GFM1: variants seen among roughly 807,000 people sequenced by gnomAD.
GFM1 encodes elongation factor G, mitochondrial.
In GFM1, 62 loss-of-function variants were observed where a neutral mutation model predicts 96.2. The ratio of observed to expected loss-of-function variants is 0.64; its 90% CI spans 0.53 to 0.80. The LOEUF is 0.80. Among genes scored for constraint, GFM1 ranks in the 30% least tolerant of loss-of-function variants. The probability of loss-of-function intolerance (pLI) is 0.00; values close to 1 mark genes in which losing one functional copy is unlikely to be tolerated. For synonymous variants in GFM1, 282 were observed against 312.9 expected, an observed-to-expected ratio of 0.90 and a Z score of 1.04; for missense variants, 852 against 916.6, an observed-to-expected ratio of 0.93 and a Z score of 0.91.
chr3:158,687,593 A>C (rs1725968018), intron 15 of GFM1, among the ~76,000 whole-genome samples: 1 of 151,984 alleles, frequency 6.6e-6, no homozygotes, highest in Non-Finnish European at 1.5e-5. Context: ...TCAGCCTCCC[A>C]AGTAGCTGAG....
intron 4 of GFM1, among the ~76,000 whole-genome samples, chr3:158,648,682 A>C (rs1722044979): frequency 1.8e-5 from 1 of 55,072 alleles, no homozygotes; most frequent in Non-Finnish European, 3.8e-5. Context: ...TTGTCTCAAA[A>C]AAAAAAAAAA....
At chr3:158,674,834 A>G (rs772754474) in intron 13 of GFM1, among the ~76,000 whole-genome samples, 20 of 152,202 alleles carry the variant, frequency 1.3e-4, no homozygotes, top group Non-Finnish European at 2.9e-4. Flanking sequence ...AAGATGATTC[A>G]TGAGACTAAG....
At chr3:158,683,869 A>T (rs1045383859) in intron 14 of GFM1, among the ~76,000 whole-genome samples, 2 of 152,216 alleles carry the variant, frequency 1.3e-5, no homozygotes, top group African/African-American at 4.8e-5. Context: ...TTTTCCAAGG[A>T]ATTGTTCATC....
At chr3:158,645,848 A>C in intron 2 of GFM1, 67 bp downstream of exon 2, 8 of 1,357,044 alleles carry the variant, frequency 5.9e-6, no homozygotes, top group Non-Finnish European at 8.4e-6. Flanking sequence ...GCTATTATTT[A>C]ATAAAGCTTA....
At chr3:158,651,174 T>C (rs1427393908) in intron 5 of GFM1, among the ~76,000 whole-genome samples, 2 of 152,146 alleles carry the variant, frequency 1.3e-5, no homozygotes, top group Admixed American at 6.6e-5. Context: ...ATGTCACAGA[T>C]TGAAGAGTCT....
intron 13 of GFM1, among the ~76,000 whole-genome samples, chr3:158,676,523 A>C (rs1296184359): frequency 6.6e-6 from 1 of 152,156 alleles, no homozygotes; most frequent in East Asian, 1.9e-4. Context: ...GAGTTGTCAG[A>C]ATATTACATT....
chr3:158,666,076 A>C (rs1723647579), intron 12 of GFM1, among the ~76,000 whole-genome samples: 1 of 152,236 alleles, frequency 6.6e-6, no homozygotes, highest in Admixed American at 6.5e-5. Context: ...GATTAATTGG[A>C]GGTAAATATA....
chr3:158,690,555 C>T (rs899259217), intron 16 of GFM1: 6 of 522,154 alleles, frequency 1.1e-5, no homozygotes, highest in Admixed American at 1.0e-4. Context: ...TATATTATCT[C>T]TCTTTCTTGA....
rs183903111 is a variant in GFM1 at position 158,666,484 on chromosome 3, T to C, written c.1601+98T>C. 4.5e-5 allele frequency: 52 copies of C among 1,163,304 alleles called. No individual in the cohort carries two copies. The Admixed American group carries it at 9.1e-4, about 20-fold the overall frequency. 72.1% of individuals were successfully genotyped at this position (1,163,304 alleles called of 1,614,324 possible). A position where few individuals can be genotyped will look rare whatever the true frequency, so the allele number is the denominator to read the frequency against. ...TTACTGTTTTAAAGACATTTTTATG[T>C]AGTGATACTTTGTATTATGGACTCT... On this transcript the variant is annotated intron_variant, in intron 13 of 17. Transcript: ENST00000486715.
At position 158,695,067 on chromosome 3, in the gene GFM1, G is replaced by A. The variant is rs1429977324; in HGVS notation, c.*3600G>A. ...GTAAAATTAAGTTAACAATTTTAGA[G>A]TTTGTGCTAGAAAAGATATTCTGAG... On this transcript the variant is annotated 3_prime_UTR_variant, in exon 18 of 18. Coordinates refer to ENST00000486715, the MANE Select transcript of GFM1 (RefSeq NM_024996.7). 1.3e-5 allele frequency among the ~76,000 whole-genome samples: 2 copies of A among 152,206 alleles called. No individual in the cohort carries two copies. Among genetic ancestry groups the A allele is most frequent in the African/African-American group, 2.4e-5 (1 of 41,464 alleles).
At chr3:158,646,108 C>T in intron 2 of GFM1, 57 bp from the exon 3 acceptor site, 1 of 1,608,668 alleles carries the variant, frequency 6.2e-7, no homozygotes, top group Non-Finnish European at 8.5e-7. Flanking sequence ...GTTAAGATTT[C>T]TTTCCTTCTT....
At chr3:158,658,252 C>T (rs553601763) in intron 8 of GFM1, among the ~76,000 whole-genome samples, 4 of 148,402 alleles carry the variant, frequency 2.7e-5, no homozygotes, top group South Asian at 2.1e-4. Flanking sequence ...CTGCAACCTC[C>T]GCCTCCTGGG....
At chr3:158,682,887 T>A (rs1458144236) in intron 14 of GFM1, among the ~76,000 whole-genome samples, 1 of 151,922 alleles carries the variant, frequency 6.6e-6, no homozygotes, top group Non-Finnish European at 1.5e-5. Flanking sequence ...GAAAAAAAAT[T>A]AGCCCGGTGT....
intron 15 of GFM1, among the ~76,000 whole-genome samples, chr3:158,685,946 A>G (rs193158008): frequency 7.2e-5 from 11 of 152,152 alleles, no homozygotes; most frequent in Admixed American, 5.2e-4. Context: ...TGATTGTTCT[A>G]TGCTGGTTCT....
chr3:158,645,404 A>G (rs1412594187), intron 1 of GFM1, among the ~76,000 whole-genome samples: 1 of 152,206 alleles, frequency 6.6e-6, no homozygotes, highest in African/African-American at 2.4e-5. Flanking sequence ...AATTTAACTT[A>G]TTCATTAATT....
chr3:158,670,975 A>G (rs986329940), intron 13 of GFM1: 2 of 1,541,440 alleles, frequency 1.3e-6, no homozygotes, highest in Non-Finnish European at 1.7e-6. Flanking sequence ...TAATTTCTTC[A>G]ACAGCAAATT....
intron 6 of GFM1, among the ~76,000 whole-genome samples, chr3:158,652,898 C>T (rs565346007): frequency 1.3e-5 from 2 of 152,268 alleles, no homozygotes; most frequent in African/African-American, 4.8e-5. Flanking sequence ...AAACAGGTTA[C>T]CAGTTAATAG....
intron 11 of GFM1, among the ~76,000 whole-genome samples, chr3:158,664,218 T>C (rs1435678705): frequency 6.6e-6 from 1 of 152,252 alleles, no homozygotes; most frequent in African/African-American, 2.4e-5. Flanking sequence ...AGTTTTCTAT[T>C]GCTGACTTAA....
rs1454675465 is a variant in GFM1, at chr3:158,694,718, A to G, written c.*3251A>G. On this transcript the variant is annotated 3_prime_UTR_variant, in exon 18 of 18. Coordinates refer to ENST00000486715, the MANE Select transcript of GFM1 (RefSeq NM_024996.7). ...TGGCTTGATAACTTTACCTTAAAAA[A>G]AAAAGTGTTCCTATTTATATAAGCT... Among the ~76,000 whole-genome samples the G allele has an allele frequency of 2.6e-5, 4 of 152,168 alleles. No homozygotes were observed. Among genetic ancestry groups the G allele is most frequent in the African/African-American group, 9.7e-5 (4 of 41,448 alleles).
Sources: allele counts gnomAD v4.1 joint callset (sites outside exome capture counted in the v4.1 genomes callset), GRCh38; gene constraint gnomAD v4.1.1; transcripts MANE v1.5; gene names NCBI Gene and HGNC (gene_info 2026-07-23, HGNC 2026-07-21).